Variants in NDUFS4 observed in about 807,000 individuals in gnomAD.
NDUFS4 encodes NADH dehydrogenase [ubiquinone] iron-sulfur protein 4, mitochondrial.
In NDUFS4, 28 loss-of-function variants were observed where a neutral mutation model predicts 24.3. The observed-to-expected ratio is 1.15, with a 90% CI of 0.85 to 1.58. The LOEUF (loss-of-function observed/expected upper bound fraction) is 1.58. Ranked by LOEUF, NDUFS4 falls within the 40% of genes most tolerant of loss-of-function variation. The pLI, the probability that NDUFS4 is intolerant of heterozygous loss-of-function variation, is 0.00. For synonymous variants in NDUFS4, 93 were observed against 69.7 expected, an observed-to-expected ratio of 1.34 and a Z score of -1.67; for missense variants, 223 against 207.9, an observed-to-expected ratio of 1.07 and a Z score of -0.45.
chr5:53,646,439 C>CT, intron 3 of NDUFS4, 34 bp downstream of exon 3: 1 of 1,592,486 alleles, frequency 6.3e-7, no homozygotes, highest in Non-Finnish European at 8.6e-7. Context: ...ATATTGTCAG[C>CT]TATCTTTTTC....
chr5:53,664,870 C>G (rs1220695452), intron 4 of NDUFS4, among the ~76,000 whole-genome samples: 1 of 152,210 alleles, frequency 6.6e-6, no homozygotes. Flanking sequence ...ATTGCTGGTG[C>G]AGAGCTGCAT....
chr5:53,680,128 A>G (rs1209342521), intron 4 of NDUFS4, among the ~76,000 whole-genome samples: 2 of 151,822 alleles, frequency 1.3e-5, no homozygotes, highest in Admixed American at 6.6e-5. Flanking sequence ...TGGTTTTGCA[A>G]CTTATTAGCC....
At chr5:53,594,264 C>G (rs1285852057) in intron 1 of NDUFS4, among the ~76,000 whole-genome samples, 2 of 152,112 alleles carry the variant, frequency 1.3e-5, no homozygotes, top group African/African-American at 2.4e-5. Flanking sequence ...TGTTGGAGAA[C>G]TGACCCCTTT....
chr5:53,599,537 A>G (rs1420695283), intron 1 of NDUFS4, among the ~76,000 whole-genome samples: 3 of 152,052 alleles, frequency 2.0e-5, no homozygotes, highest in African/African-American at 7.2e-5. Flanking sequence ...CTCATTAGCC[A>G]TTTGTATATC....
intron 3 of NDUFS4, among the ~76,000 whole-genome samples, chr5:53,651,774 CTTTT>C (rs34235265): frequency 1.7e-5 from 2 of 118,076 alleles, no homozygotes; most frequent in Admixed American, 8.7e-5. Context: ...TAACTTTATT[CTTTT>C]TTTTTTTTTT....
At chr5:53,611,824 G>A (rs762539171) in intron 2 of NDUFS4, among the ~76,000 whole-genome samples, 9 of 151,846 alleles carry the variant, frequency 5.9e-5, no homozygotes, top group African/African-American at 7.3e-5. Context: ...TGATGAATAC[G>A]CAAGTCCAAT....
chr5:53,582,295 T>TA (rs1282650874), intron 1 of NDUFS4, among the ~76,000 whole-genome samples: 1 of 151,038 alleles, frequency 6.6e-6, no homozygotes, highest in Non-Finnish European at 1.5e-5. Flanking sequence ...GAAAGATGAA[T>TA]AAAAACAAGT....
chr5:53,625,704 T>C (rs564234539), intron 2 of NDUFS4, among the ~76,000 whole-genome samples: 19 of 152,110 alleles, frequency 1.2e-4, no homozygotes, highest in African/African-American at 4.3e-4. Flanking sequence ...ATTTAGTTCT[T>C]TAATATAGTT....
At chr5:53,658,726 G>T in intron 4 of NDUFS4, 102 bp downstream of exon 4, 1 of 827,960 alleles carries the variant, frequency 1.2e-6, no homozygotes, top group Non-Finnish European at 1.9e-6. Context: ...GAATCCAGTG[G>T]TTTCATTGTA....
At chr5:53,660,468 A>G (rs547924925) in intron 4 of NDUFS4, among the ~76,000 whole-genome samples, 4 of 152,098 alleles carry the variant, frequency 2.6e-5, no homozygotes, top group Non-Finnish European at 5.9e-5. Context: ...ATATGTGTGC[A>G]TGTGTCTTTA....
chr5:53,660,698 G>C (rs1456564142), intron 4 of NDUFS4, among the ~76,000 whole-genome samples: 1 of 152,096 alleles, frequency 6.6e-6, no homozygotes, highest in Non-Finnish European at 1.5e-5. Flanking sequence ...CGTTCTAACT[G>C]GTGTGAGATA....
intron 2 of NDUFS4, among the ~76,000 whole-genome samples, chr5:53,640,464 G>T (rs1434944442): frequency 6.6e-6 from 1 of 152,200 alleles, no homozygotes; most frequent in South Asian, 2.1e-4. Flanking sequence ...AAGAAGCATG[G>T]TGCCATCATA....
At chr5:53,600,601 G>T (rs201916491) in intron 1 of NDUFS4, among the ~76,000 whole-genome samples, 1 of 152,176 alleles carries the variant, frequency 6.6e-6, no homozygotes, top group Non-Finnish European at 1.5e-5. Flanking sequence ...GAGCCACTGC[G>T]CCCAGCCCGG....
intron 2 of NDUFS4, among the ~76,000 whole-genome samples, chr5:53,617,501 C>A (rs1162966188): frequency 1.3e-5 from 2 of 151,982 alleles, no homozygotes. Flanking sequence ...CATTCTTTGG[C>A]CGTCATTTTT....
intron 2 of NDUFS4, among the ~76,000 whole-genome samples, chr5:53,617,458 C>T (rs1750876835): frequency 6.6e-6 from 1 of 152,034 alleles, no homozygotes; most frequent in Non-Finnish European, 1.5e-5. Context: ...CCTGCCTTCC[C>T]TTCTGTCTCT....
intron 4 of NDUFS4, among the ~76,000 whole-genome samples, chr5:53,672,292 T>A (rs979223782): frequency 6.6e-6 from 1 of 151,946 alleles, no homozygotes; most frequent in African/African-American, 2.4e-5. Context: ...AGGTATAAAT[T>A]GCAAGTAAAA....
chr5:53,662,348 TTGA>T (rs1244480066), intron 4 of NDUFS4, among the ~76,000 whole-genome samples: 2 of 152,328 alleles, frequency 1.3e-5, no homozygotes, highest in South Asian at 4.1e-4. Flanking sequence ...TGAAGCCCAC[TTGA>T]TGATGGTGGA....
At chr5:53,622,860 C>G (rs563962188) in intron 2 of NDUFS4, among the ~76,000 whole-genome samples, 16 of 152,288 alleles carry the variant, frequency 1.1e-4, no homozygotes, top group Non-Finnish European at 1.3e-4. Context: ...AATAGAAACT[C>G]TGTACCCATT....
Position 53,573,600 on chromosome 5 carries a change from T to G in NDUFS4, c.98+12840T>G, listed in dbSNP as rs1054140655. ...AAAATTTTCTTTTCTTTATTTTTTA[T>G]TTTTTAGAGACAGGGCCTTGCTCTG... is the stretch of plus-strand genomic sequence containing the variant. On this transcript the variant is annotated intron_variant, in intron 1 of 4. Coordinates refer to ENST00000296684, the MANE Select transcript of NDUFS4 (RefSeq NM_002495.4). 4.2e-5 allele frequency: 19 copies of G among 452,890 alleles called. No homozygotes were observed. The Admixed American group carries it at 4.3e-4, about 10-fold the overall frequency. 28.1% of individuals were successfully genotyped at this position (452,890 alleles called of 1,614,324 possible).
Sources: allele counts gnomAD v4.1 joint callset (sites outside exome capture counted in the v4.1 genomes callset), GRCh38; gene constraint gnomAD v4.1.1; transcripts MANE v1.5; gene names NCBI Gene and HGNC (gene_info 2026-07-23, HGNC 2026-07-21).